Variants in PLOD1 observed in about 807,000 individuals in gnomAD.
PLOD1 encodes lysine hydroxylase.
PLOD1 carries 70 observed loss-of-function variants against 94.7 expected under a neutral mutation model. That is an observed-to-expected ratio of 0.74 (90% CI 0.61 to 0.90). PLOD1 has a LOEUF of 0.90. PLOD1 is among the 40% of genes least tolerant of loss of function. The pLI, the probability that PLOD1 is intolerant of heterozygous loss-of-function variation, is 0.00. For missense variants in PLOD1, 905 were observed against 972.7 expected, an observed-to-expected ratio of 0.93 and a Z score of 0.93; for synonymous variants, 417 against 400.2, an observed-to-expected ratio of 1.04 and a Z score of -0.50.
Position 11,965,558 on chromosome 1 carries a change from C to T in PLOD1, c.1549C>T (p.His517Tyr), listed in dbSNP as rs776146504. 3 of 1,613,438 alleles carry T rather than the reference C, an allele frequency of 1.9e-6. No homozygotes were observed. Among genetic ancestry groups the T allele is most frequent in the South Asian group, 1.1e-5 (1 of 91,070 alleles). Residue 517 changes from histidine to tyrosine, a missense_variant, in exon 14 of 19, where the codon CAC becomes TAC. Transcript: ENST00000196061. ...AGACAGCTACCGCACCACCCACCTG[C>T]ACAACGACCTCTGGGAGGTGTTCAG... is the stretch of plus-strand genomic sequence containing the variant. ...SLDSYRTTHL[H>Y]NDLWEVFSNP...
At position 11,972,240 on chromosome 1, in the gene PLOD1, CTCTCTTTCTCTT is replaced by C. The variant is rs556039953; in HGVS notation, c.1903-626_1903-615del. Reference sequence around the variant, plus strand: ...TCTCTCTCTCTCTCTTTCTTTCTCTCTCTCTTTCTCTTTCTCTGTCTCTTTTTCTTTCTTTTC... The same window carrying C: ...TCTCTCTCTCTCTCTTTCTTTCTCTCTCTCTGTCTCTTTTTCTTTCTTTTC... On this transcript the variant is annotated intron_variant, in intron 17 of 18. Transcript: ENST00000196061. The surrounding 1 kb of genome is among the most constrained non-coding windows in gnomAD (Gnocchi z 4.6). The C allele has an allele frequency of 6.6e-6, 1 of 151,826 alleles. No homozygotes were observed. The highest frequency in any genetic ancestry group is 1.9e-4 in the East Asian group (1 of 5,146). The allele number at this position is 151,826 out of a possible 1,614,324, so 9.4% of individuals were successfully genotyped here.
At chr1:11,943,870 C>T (rs1243781441) in intron 1 of PLOD1, among the ~76,000 whole-genome samples, 1 of 152,148 alleles carries the variant, frequency 6.6e-6, no homozygotes, top group African/African-American at 2.4e-5. Context: ...CTCCCTTGGG[C>T]ACATTACTCG....
intron 1 of PLOD1, 97 bp from the exon 2 acceptor site, chr1:11,947,879 C>A: frequency 1.2e-6 from 1 of 811,862 alleles, no homozygotes; most frequent in Non-Finnish European, 2.2e-6. Context: ...GAAGACACTT[C>A]CTGCCAGAAT....
rs565513365 is a variant in PLOD1 at position 11,966,985 on chromosome 1, A to C, written c.1651-2A>C. The C allele has an allele frequency of 6.2e-7, 1 of 1,603,404 alleles. No homozygotes were observed. The highest frequency in any genetic ancestry group is 8.5e-7 in the Non-Finnish European group (1 of 1,170,284). ...CCTTGACTGAGTCCCTGCCCTCCCC[A>C]GCCCTGCCCGGATGTCTATTGGTTC... On this transcript the variant is annotated splice_acceptor_variant, in intron 15 of 18. Coordinates refer to ENST00000196061, the MANE Select transcript of PLOD1 (RefSeq NM_000302.4). LOFTEE classifies it high-confidence loss of function.
In PLOD1 at chr1:11,947,083, A is replaced by C. The variant is rs1439011498; in HGVS notation, c.77-893A>C. 6.6e-5 allele frequency among the ~76,000 whole-genome samples: 10 copies of C among 152,230 alleles called. No homozygotes were observed. In the East Asian group the frequency reaches 1.7e-3, roughly 26 times the overall value. On this transcript the variant is annotated intron_variant, in intron 1 of 18. Coordinates refer to ENST00000196061, the MANE Select transcript of PLOD1 (RefSeq NM_000302.4). ...CAGGAGTTTGAGACCAGCCTGGCCA[A>C]CATGATGAAACCCCGCCTCTATTAA...
intron 1 of PLOD1, among the ~76,000 whole-genome samples, chr1:11,937,149 G>C (rs1255610234): frequency 2.0e-5 from 3 of 152,306 alleles, no homozygotes; most frequent in African/African-American, 4.8e-5. Context: ...CGCCCGGCCA[G>C]GAACTGCCAT....
intron 6 of PLOD1, among the ~76,000 whole-genome samples, chr1:11,956,609 C>T (rs141694342): frequency 3.3e-5 from 5 of 152,084 alleles, no homozygotes; most frequent in Non-Finnish European, 4.4e-5. Context: ...TCCAGGTCTT[C>T]GTTCTTCTCC....
intron 13 of PLOD1, 149 bp from the exon 14 acceptor site, chr1:11,965,331 C>T (rs890407885): frequency 1.4e-5 from 9 of 653,386 alleles, no homozygotes; most frequent in South Asian, 3.4e-5. Context: ...GGGGACATAG[C>T]GGTGACTGCA....
chr1:11,965,570 T>TG lies in PLOD1; in HGVS notation c.1564dup (p.Glu522GlyfsTer46), dbSNP rs35625768. 1 of 1,612,380 alleles carries TG rather than the reference T, an allele frequency of 6.2e-7. No homozygotes were observed. On this transcript the variant is annotated frameshift_variant, in exon 14 of 19. Coordinates refer to ENST00000196061, the MANE Select transcript of PLOD1 (RefSeq NM_000302.4). LOFTEE classifies it high-confidence loss of function. ...CACCACCCACCTGCACAACGACCTC[T>TG]GGGAGGTGTTCAGCAACCCCGAGGT...
rs748794198 is a variant in PLOD1, at chr1:11,972,853, T to TC, written c.1903-14dup. 66 of 1,613,686 alleles carry TC rather than the reference T, an allele frequency of 4.1e-5. 1 individual carries two copies. Among genetic ancestry groups the TC allele is most frequent in the South Asian group, 1.4e-4 (13 of 91,084 alleles). On this transcript the variant is annotated intron_variant, in intron 17 of 18. Transcript: ENST00000196061. The surrounding 1 kb of genome is among the most constrained non-coding windows in gnomAD (Gnocchi z 4.6). ...TCCTTAACTAACACGGGCTCTCTTGTCCCCCTGCCTTGGTACAGGCCCAGT... is the reference window on the plus strand; with the variant it reads ...TCCTTAACTAACACGGGCTCTCTTGTCCCCCCTGCCTTGGTACAGGCCCAGT...
intron 12 of PLOD1, 44 bp downstream of exon 12, chr1:11,964,344 T>A: frequency 6.3e-7 from 1 of 1,580,908 alleles, no homozygotes; most frequent in Non-Finnish European, 8.7e-7. Context: ...CACCTTCATC[T>A]GGCTTCTGCC....
At chr1:11,951,961 C>T (rs1179315472) in intron 4 of PLOD1, among the ~76,000 whole-genome samples, 1 of 152,186 alleles carries the variant, frequency 6.6e-6, no homozygotes, top group Admixed American at 6.6e-5. Flanking sequence ...ACACACATCA[C>T]TTAATGACTT....
At chr1:11,954,408 C>G (rs1488853488) in intron 5 of PLOD1, 2 of 420,750 alleles carry the variant, frequency 4.8e-6, no homozygotes, top group Non-Finnish European at 9.9e-6. Context: ...ATCGCTTGAA[C>G]CCAGGAGGCG....
chr1:11,963,063 AT>A lies in PLOD1; in HGVS notation c.1098-468del, dbSNP rs1427261757. Among the ~76,000 whole-genome samples, 1 of 152,122 alleles carries A rather than the reference AT, an allele frequency of 6.6e-6. No individual in the cohort carries two copies. Among genetic ancestry groups the A allele is most frequent in the East Asian group, 1.9e-4 (1 of 5,194 alleles). ...CTCAAAAAAATAAAATAAAATAAAAATAAAAAAAAGAAAAACATAAAGCTGT... is the reference window on the plus strand; with the variant it reads ...CTCAAAAAAATAAAATAAAATAAAAAAAAAAAAAGAAAAACATAAAGCTGT... On this transcript the variant is annotated intron_variant, in intron 10 of 18. Transcript: ENST00000196061. This position sits in a 1 kb window ranked among gnomAD's most constrained non-coding sequence, Gnocchi z 4.3.
At chr1:11,935,186 T>C (rs1224462077) in intron 1 of PLOD1, among the ~76,000 whole-genome samples, 1 of 152,238 alleles carries the variant, frequency 6.6e-6, no homozygotes, top group East Asian at 1.9e-4. Context: ...ATTGCTACCC[T>C]GGTAAGTGTT....
At chr1:11,947,903 G>A (rs1242990522) in intron 1 of PLOD1, 73 bp from the exon 2 acceptor site, 2 of 959,142 alleles carry the variant, frequency 2.1e-6, no homozygotes, top group African/African-American at 1.6e-5. Flanking sequence ...ACAGGTCACT[G>A]GGAACAAAGA....
rs747725183 is a variant in PLOD1, at chr1:11,963,649, C to T, written c.1202+13C>T. The T allele has an allele frequency of 2.6e-5, 40 of 1,548,220 alleles. No homozygotes were observed. The East Asian group carries it at 6.7e-4, about 26-fold the overall frequency. The stretch of plus-strand genomic sequence containing the variant: ...TCCAACAGAACAAGTGAGGCTGCTC[C>T]GTCTGCACCCAGCACTGCTCAGGAC... On this transcript the variant is annotated intron_variant, in intron 11 of 18. Coordinates refer to ENST00000196061, the MANE Select transcript of PLOD1 (RefSeq NM_000302.4). This position sits in a 1 kb window ranked among gnomAD's most constrained non-coding sequence, Gnocchi z 4.3.
At chr1:11,967,940 A>C (rs1476256689) in intron 16 of PLOD1, among the ~76,000 whole-genome samples, 1 of 147,764 alleles carries the variant, frequency 6.8e-6, no homozygotes, top group Non-Finnish European at 1.5e-5. Flanking sequence ...TATTTATTTA[A>C]TTGTGTGTGT....
intron 1 of PLOD1, among the ~76,000 whole-genome samples, chr1:11,938,528 C>T (rs1645595133): frequency 6.6e-6 from 1 of 152,178 alleles, no homozygotes; most frequent in African/African-American, 2.4e-5. Context: ...GGTTGCTCAT[C>T]TTCCCTGCAG....
Sources: gnomAD v4.1 joint callset for allele counts (sites outside exome capture counted in the v4.1 genomes callset) on GRCh38, gnomAD v4.1.1 for gene constraint, Gnocchi (gnomAD v3.1) non-coding constraint, MANE v1.5 for transcripts, NCBI Gene and HGNC (gene_info 2026-07-23, HGNC 2026-07-21) for gene names.